The following OGFOD3 variants were observed in gnomAD, a reference collection of about 807,000 sequenced individuals.
OGFOD3 encodes 2-oxoglutarate and iron-dependent oxygenase domain-containing protein 3.
A neutral mutation model predicts 39.8 loss-of-function variants in OGFOD3; 35 were observed. The ratio of observed to expected loss-of-function variants is 0.88; its 90% CI spans 0.67 to 1.17. OGFOD3 has a LOEUF of 1.17. Among genes scored for constraint, OGFOD3 ranks in the 50% most tolerant of loss-of-function variants. The pLI is 0.00. For synonymous variants in OGFOD3, 200 were observed against 192.0 expected, an observed-to-expected ratio of 1.04 and a Z score of -0.34; for missense variants, 438 against 454.5, an observed-to-expected ratio of 0.96 and a Z score of 0.33.
chr17:82,394,365 A>T (rs748670167), intron 8 of OGFOD3: 3 of 1,579,862 alleles, frequency 1.9e-6, no homozygotes, highest in South Asian at 2.3e-5. Flanking sequence ...CACGGCAACC[A>T]AGGAATCAAC....
chr17:82,406,796 C>G lies in OGFOD3; in HGVS notation c.424-314G>C, dbSNP rs142000045. On this transcript the variant is annotated intron_variant, in intron 4 of 8. Coordinates refer to ENST00000313056, the MANE Select transcript of OGFOD3 (RefSeq NM_024648.3). The surrounding 1 kb of genome is among the most constrained non-coding windows in gnomAD (Gnocchi z 5.2). ...TTTCTATTTTTTGTAGAGATGTGGTCTCACTATATTACCTAGGCTGGTCTC... is the reference window on the plus strand; with the variant it reads ...TTTCTATTTTTTGTAGAGATGTGGTGTCACTATATTACCTAGGCTGGTCTC... Among the ~76,000 whole-genome samples, 3 of 152,214 alleles carry G rather than the reference C, an allele frequency of 2.0e-5. No homozygotes were observed. Among genetic ancestry groups the G allele is most frequent in the African/African-American group, 7.2e-5 (3 of 41,554 alleles).
At chr17:82,400,122 C>T (rs960814995) in intron 7 of OGFOD3, among the ~76,000 whole-genome samples, 18 of 152,122 alleles carry the variant, frequency 1.2e-4, no homozygotes, top group Non-Finnish European at 1.9e-4. Context: ...GCCCCCAGTC[C>T]GACCCGCCAA....
intron 2 of OGFOD3, 75 bp from the exon 3 acceptor site, chr17:82,411,605 G>C: frequency 8.4e-7 from 1 of 1,195,678 alleles, no homozygotes. Flanking sequence ...ATCAGGGCCA[G>C]AACTGGCTAA....
Position 82,394,146 on chromosome 17 carries a change from C to T in OGFOD3, c.824-1612G>A, listed in dbSNP as rs563562446. On this transcript the variant is annotated intron_variant, in intron 8 of 8. Transcript: ENST00000313056. ...CTGGGACTACAGGCGCCCGCCACCA[C>T]GCCCAGCTAATTTTTTTGTACTTTT... is the stretch of plus-strand genomic sequence containing the variant. 2.6e-5 allele frequency among the ~76,000 whole-genome samples: 4 copies of T among 151,994 alleles called. No individual in the cohort carries two copies. The East Asian group carries it at 5.8e-4, about 22-fold the overall frequency.
At chr17:82,414,890 G>C (rs1190131199) in intron 2 of OGFOD3, among the ~76,000 whole-genome samples, 2 of 152,132 alleles carry the variant, frequency 1.3e-5, no homozygotes, top group Non-Finnish European at 2.9e-5. Flanking sequence ...GACCTGCTCC[G>C]AGGCCGTGCG....
chr17:82,411,517 T>G lies in OGFOD3; in HGVS notation c.318A>C (p.Arg106=). 1 of 1,614,082 alleles carries G rather than the reference T, an allele frequency of 6.2e-7. No individual in the cohort carries two copies. The highest frequency in any genetic ancestry group is 8.5e-7 in the Non-Finnish European group (1 of 1,179,996). The change falls in exon 3 of 9, where the codon CGA becomes CGC. Residue 106 remains arginine (R), a synonymous_variant. Transcript: ENST00000313056. The part of the protein sequence containing the change: ...SHRRFEGCTP[R]KCGRGVTDVV... Reference sequence around the variant, plus strand: ...CATCGGTGACACCTCTGCCGCACTTTCGGGGAGTGCAGCCTGTGAAGGGAC... The same window carrying G: ...CATCGGTGACACCTCTGCCGCACTTGCGGGGAGTGCAGCCTGTGAAGGGAC...
chr17:82,415,654 C>T lies in OGFOD3; in HGVS notation c.75-27G>A. On this transcript the variant is annotated intron_variant, in intron 1 of 8. Coordinates refer to ENST00000313056, the MANE Select transcript of OGFOD3 (RefSeq NM_024648.3). This position sits in a 1 kb window ranked among gnomAD's most constrained non-coding sequence, Gnocchi z 5.3. Reference sequence around the variant, plus strand: ...TGAGAACAGAAAACAGGCCACGTCACCCAAACACGGAGTGAGGCCAGAGAA... The same window carrying T: ...TGAGAACAGAAAACAGGCCACGTCATCCAAACACGGAGTGAGGCCAGAGAA... 8 of 1,579,254 alleles carry T rather than the reference C, an allele frequency of 5.1e-6. No homozygotes were observed. The highest frequency in any genetic ancestry group is 6.9e-6 in the Non-Finnish European group (8 of 1,157,890).
chr17:82,410,632 G>GC (rs2052926439), intron 3 of OGFOD3, among the ~76,000 whole-genome samples: 2 of 151,720 alleles, frequency 1.3e-5, no homozygotes, highest in South Asian at 4.2e-4. Flanking sequence ...TACTCTCCCA[G>GC]CTACTGCTTC....
intron 2 of OGFOD3, among the ~76,000 whole-genome samples, chr17:82,412,405 CAGGGGCATGGTT>C (rs1356879569): frequency 2.3e-4 from 24 of 104,064 alleles, no homozygotes; most frequent in African/African-American, 9.4e-4. Context: ...GTTATCGGGG[CAGGGGCATGGTT>C]ATCGGGGCAG....
intron 8 of OGFOD3, chr17:82,396,423 G>A (rs1002379088): frequency 4.2e-5 from 6 of 142,656 alleles, no homozygotes; most frequent in African/African-American, 1.6e-4. Context: ...AAATCACAGG[G>A]AAACACACAG....
Position 82,392,811 on chromosome 17 carries a change from C to T in OGFOD3, c.824-277G>A. 1 of 450,870 alleles carries T rather than the reference C, an allele frequency of 2.2e-6. No individual in the cohort carries two copies. The highest frequency in any genetic ancestry group is 4.0e-6 in the Non-Finnish European group (1 of 253,036). The allele number at this position is 450,870 out of a possible 1,614,324, so 27.9% of individuals were successfully genotyped here. A position where few individuals can be genotyped will look rare whatever the true frequency, so the allele number is the denominator to read the frequency against. The stretch of plus-strand genomic sequence containing the variant: ...ACAGAGGAAGATGCTGCAGATGAGG[C>T]CACCACTGGCTCCAGACACCCCAGG... On this transcript the variant is annotated intron_variant, in intron 8 of 8. Transcript: ENST00000313056. The surrounding 1 kb of genome is among the most constrained non-coding windows in gnomAD (Gnocchi z 4.2).
chr17:82,409,887 T>C (rs891528644), intron 3 of OGFOD3, among the ~76,000 whole-genome samples: 2 of 151,480 alleles, frequency 1.3e-5, no homozygotes, highest in African/African-American at 2.4e-5. Flanking sequence ...AAAGCAAGAC[T>C]CTGTCAAGAA....
At chr17:82,411,722 C>A in intron 2 of OGFOD3, 192 bp from the exon 3 acceptor site, 1 of 550,772 alleles carries the variant, frequency 1.8e-6, no homozygotes. Context: ...GCCACCTTGG[C>A]TTCCAGTGGC....
chr17:82,416,885 G>T (rs1364001629), intron 1 of OGFOD3, among the ~76,000 whole-genome samples: 2 of 152,026 alleles, frequency 1.3e-5, no homozygotes, highest in Non-Finnish European at 2.9e-5. Context: ...ACGTTGGTCA[G>T]GCTGGTCTCG....
At chr17:82,408,730 T>C (rs1311489690) in intron 4 of OGFOD3, among the ~76,000 whole-genome samples, 3 of 152,216 alleles carry the variant, frequency 2.0e-5, no homozygotes, top group Non-Finnish European at 2.9e-5. Flanking sequence ...CTGTCTCCTA[T>C]AGGCACTTGC....
rs555462158 is a variant in OGFOD3 at position 82,403,868 on chromosome 17, A to G, written c.699+69T>C. 2.2e-5 allele frequency: 33 copies of G among 1,480,710 alleles called. 1 individual carries two copies. Among genetic ancestry groups the G allele is most frequent in the Middle Eastern group, 2.2e-4 (1 of 4,458 alleles). 91.7% of individuals were successfully genotyped at this position (1,480,710 alleles called of 1,614,324 possible). ...GCGCGCTCACCCTGCCCACGTGCGC[A>G]CTCACCGTGCCCACGGGCACGCTCA... On this transcript the variant is annotated intron_variant, in intron 7 of 8. Transcript: ENST00000313056.
intron 4 of OGFOD3, among the ~76,000 whole-genome samples, chr17:82,407,602 G>A (rs1411664730): frequency 6.6e-6 from 1 of 152,186 alleles, no homozygotes; most frequent in Non-Finnish European, 1.5e-5. Context: ...GCCCACGTTA[G>A]TCATCCCACC....
Position 82,406,248 on chromosome 17 carries a change from C to G in OGFOD3, c.488+170G>C, listed in dbSNP as rs372632432. ...GTCCACACCTCCCAGCTCTTGCGTC[C>G]CAAAGAACCAGGAAGGACCCGGCCA... On this transcript the variant is annotated intron_variant, in intron 5 of 8. Coordinates refer to ENST00000313056, the MANE Select transcript of OGFOD3 (RefSeq NM_024648.3). The surrounding 1 kb of genome is among the most constrained non-coding windows in gnomAD (Gnocchi z 5.2). 1.3e-5 allele frequency among the ~76,000 whole-genome samples: 2 copies of G among 152,228 alleles called. No homozygotes were observed. The highest frequency in any genetic ancestry group is 2.1e-4 in the South Asian group (1 of 4,838).
intron 4 of OGFOD3, 27 bp downstream of exon 4, chr17:82,409,340 AG>A (rs773372479): frequency 3.7e-6 from 6 of 1,610,560 alleles, no homozygotes; most frequent in East Asian, 2.2e-5. Flanking sequence ...GGGTAAAAAA[AG>A]GGGGGCAGGG....
Sources: gnomAD v4.1 joint callset for allele counts (sites outside exome capture counted in the v4.1 genomes callset) on GRCh38, gnomAD v4.1.1 for gene constraint, Gnocchi (gnomAD v3.1) non-coding constraint, MANE v1.5 for transcripts, NCBI Gene and HGNC (gene_info 2026-07-23, HGNC 2026-07-21) for gene names.